CHIC2: variants seen among roughly 807,000 people sequenced by gnomAD.
The protein encoded by CHIC2 is cysteine rich hydrophobic domain 2.
CHIC2 carries 14 observed loss-of-function variants against 25.9 expected under a neutral mutation model. That is an observed-to-expected ratio of 0.54 (90% CI 0.36 to 0.85). CHIC2 has a LOEUF of 0.85. Among genes scored for constraint, CHIC2 ranks in the 40% least tolerant of loss-of-function variants. The probability of loss-of-function intolerance (pLI) is 0.01; values close to 1 mark genes in which losing one functional copy is unlikely to be tolerated. For synonymous variants in CHIC2, 70 were observed against 72.0 expected, an observed-to-expected ratio of 0.97 and a Z score of 0.14; for missense variants, 146 against 202.0, an observed-to-expected ratio of 0.72 and a Z score of 1.68.
intron 3 of CHIC2, among the ~76,000 whole-genome samples, chr4:54,032,772 T>G (rs1179920657): frequency 1.3e-5 from 2 of 152,228 alleles, no homozygotes; most frequent in Non-Finnish European, 2.9e-5. Flanking sequence ...ACTATTATTT[T>G]ATGATCTCAC....
chr4:54,037,390 AAAG>A (rs1278454950), intron 3 of CHIC2, among the ~76,000 whole-genome samples: 2 of 152,124 alleles, frequency 1.3e-5, no homozygotes, highest in African/African-American at 4.8e-5. Context: ...AGAAGACAAA[AAAG>A]AATGCACATT....
upstream of CHIC2, among the ~76,000 whole-genome samples, chr4:54,065,517 GAAGAATGGGAGAGAAAGA>G (rs1717496328): frequency 6.6e-6 from 1 of 152,178 alleles, no homozygotes; most frequent in African/African-American, 2.4e-5. Context: ...AAGAATGAAA[GAAGAATGGGAGAGAAAGA>G]AAGAAGGGGA....
intron 3 of CHIC2, among the ~76,000 whole-genome samples, chr4:54,019,862 G>C (rs1318085822): frequency 1.3e-5 from 2 of 151,122 alleles, no homozygotes; most frequent in Non-Finnish European, 2.9e-5. Flanking sequence ...GGGTCTCCTT[G>C]AATTTGGGCA....
chr4:54,023,005 T>A (rs1715948778), intron 3 of CHIC2, among the ~76,000 whole-genome samples: 1 of 151,958 alleles, frequency 6.6e-6, no homozygotes, highest in African/African-American at 2.4e-5. Flanking sequence ...ATATACTCTA[T>A]CCTCAATACC....
intron 3 of CHIC2, among the ~76,000 whole-genome samples, chr4:54,033,169 T>C (rs953997042): frequency 2.0e-5 from 3 of 152,204 alleles, no homozygotes; most frequent in African/African-American, 7.2e-5. Flanking sequence ...TCATTATAAA[T>C]TATCCAGTCT....
At chr4:54,087,570 C>G in the CHIC2 span, 1 of 1,091,722 alleles carries the variant, frequency 9.2e-7, no homozygotes, top group Non-Finnish European at 1.2e-6. Context: ...CACCCTGATG[C>G]TCCTGTGTCC....
At chr4:54,069,432 C>G (rs1020943640), upstream of CHIC2, among the ~76,000 whole-genome samples, 1 of 152,210 alleles carries the variant, frequency 6.6e-6, no homozygotes, top group African/African-American at 2.4e-5. Context: ...CCCGCGGAGT[C>G]GGGGTGCTCT....
At chr4:54,025,529 G>A (rs965092534) in intron 3 of CHIC2, among the ~76,000 whole-genome samples, 7 of 152,056 alleles carry the variant, frequency 4.6e-5, no homozygotes, top group African/African-American at 1.4e-4. Flanking sequence ...TGGTCTCTTC[G>A]CACGGATGCA....
At chr4:54,040,755 G>A (rs1716550639) in intron 3 of CHIC2, among the ~76,000 whole-genome samples, 1 of 145,820 alleles carries the variant, frequency 6.9e-6, no homozygotes, top group African/African-American at 2.5e-5. Flanking sequence ...GCAGGTGCCT[G>A]TAATCCCAGC....
At chr4:54,032,414 C>A (rs917164500) in intron 3 of CHIC2, among the ~76,000 whole-genome samples, 2 of 151,904 alleles carry the variant, frequency 1.3e-5, no homozygotes, top group African/African-American at 4.8e-5. Flanking sequence ...TGCAGGTGCG[C>A]GCCGCCACGC....
At chr4:54,016,074 A>T (rs146175540) in intron 3 of CHIC2, among the ~76,000 whole-genome samples, 1 of 152,336 alleles carries the variant, frequency 6.6e-6, no homozygotes. Flanking sequence ...ATAGATTAAG[A>T]TTACTATACA....
intron 1 of CHIC2, among the ~76,000 whole-genome samples, chr4:54,053,893 C>A (rs769083364): frequency 6.6e-6 from 1 of 152,030 alleles, no homozygotes; most frequent in Non-Finnish European, 1.5e-5. Context: ...CGGGTTCAAG[C>A]GATTCTCGTG....
At chr4:54,082,049 C>T in the CHIC2 span, among the ~76,000 whole-genome samples, 17 of 152,122 alleles carry the variant, frequency 1.1e-4, no homozygotes, top group African/African-American at 3.4e-4. Flanking sequence ...AGGTTGATCC[C>T]GAACATAATG....
At chr4:54,079,715 A>G in the CHIC2 span, among the ~76,000 whole-genome samples, 1 of 152,274 alleles carries the variant, frequency 6.6e-6, no homozygotes. Context: ...CCACAATGGG[A>G]TATCACTTCA....
the CHIC2 span, among the ~76,000 whole-genome samples, chr4:54,084,975 A>AG: frequency 1.3e-5 from 2 of 151,004 alleles, no homozygotes; most frequent in African/African-American, 4.9e-5. Context: ...AAAAAAAAAA[A>AG]AAAAAATCAA....
Position 54,043,268 on chromosome 4 carries a change from A to ATTTGTATTTTTG in CHIC2, c.330+5686_330+5687insCAAAAATACAAA, listed in dbSNP as rs1175100995. On this transcript the variant is annotated intron_variant, in intron 3 of 5. Coordinates refer to ENST00000263921, the MANE Select transcript of CHIC2 (RefSeq NM_012110.4). ...AAACCTGTCTCTACTAAAAATACAA[A>ATTTGTATTTTTG]AACTTAGCCAGGTGTGGTGGTGGGC... 6.6e-5 allele frequency among the ~76,000 whole-genome samples: 10 copies of ATTTGTATTTTTG among 152,176 alleles called. No individual in the cohort carries two copies. The East Asian group carries it at 9.7e-4, about 15-fold the overall frequency.
At chr4:54,040,886 A>G (rs1052110044) in intron 3 of CHIC2, among the ~76,000 whole-genome samples, 1 of 151,696 alleles carries the variant, frequency 6.6e-6, no homozygotes. Flanking sequence ...CTCAATCATA[A>G]TAAGAATAAT....
At chr4:54,076,301 T>G in the CHIC2 span, among the ~76,000 whole-genome samples, 127 of 152,086 alleles carry the variant, frequency 8.4e-4, no homozygotes, top group Middle Eastern at 3.4e-3. Context: ...AAAAATTAAT[T>G]AATTAATTAA....
chr4:54,056,711 A>C (rs1383280737), intron 1 of CHIC2, among the ~76,000 whole-genome samples: 3 of 152,208 alleles, frequency 2.0e-5, no homozygotes, highest in Non-Finnish European at 4.4e-5. Context: ...GGGAGAGAAA[A>C]AAAGCTTAAG....
Sources: allele counts gnomAD v4.1 joint callset (sites outside exome capture counted in the v4.1 genomes callset), GRCh38; gene constraint gnomAD v4.1.1; transcripts MANE v1.5; gene names NCBI Gene and HGNC (gene_info 2026-07-23, HGNC 2026-07-21).